Variants in HADH observed in about 807,000 individuals in gnomAD.
HADH encodes hydroxyacyl-coenzyme A dehydrogenase, mitochondrial.
In HADH, 24 loss-of-function variants were observed where a neutral mutation model predicts 32.2. The observed-to-expected ratio is 0.75, with a 90% CI of 0.54 to 1.05. The LOEUF (loss-of-function observed/expected upper bound fraction) is 1.05. Ranked by LOEUF, HADH falls within the 50% of genes least tolerant of loss-of-function variation. The probability of loss-of-function intolerance (pLI) is 0.00; values close to 1 mark genes in which losing one functional copy is unlikely to be tolerated. For synonymous variants in HADH, 139 were observed against 152.5 expected, an observed-to-expected ratio of 0.91 and a Z score of 0.65; for missense variants, 350 against 397.1, an observed-to-expected ratio of 0.88 and a Z score of 1.01.
chr4:108,017,127 AT>A (rs796824283), intron 3 of HADH, among the ~76,000 whole-genome samples: 35 of 152,314 alleles, frequency 2.3e-4, no homozygotes, highest in African/African-American at 8.2e-4. Context: ...AAGCAGCCGT[AT>A]TGAGAGGTAC....
intron 1 of HADH, among the ~76,000 whole-genome samples, chr4:108,005,859 C>G (rs1399032021): frequency 6.6e-6 from 1 of 152,050 alleles, no homozygotes; most frequent in Non-Finnish European, 1.5e-5. Context: ...CTAGGAGATT[C>G]AAGATTTTCT....
At chr4:108,012,256 T>C (rs1351820860) in intron 2 of HADH, among the ~76,000 whole-genome samples, 2 of 152,062 alleles carry the variant, frequency 1.3e-5, no homozygotes, top group Non-Finnish European at 2.9e-5. Flanking sequence ...TAGATGATGG[T>C]GGAGATAATT....
chr4:108,013,084 T>A (rs1162086464), intron 2 of HADH, among the ~76,000 whole-genome samples: 1 of 152,178 alleles, frequency 6.6e-6, no homozygotes, highest in Non-Finnish European at 1.5e-5. Context: ...AGGCGCCCGC[T>A]ACCACGCCCA....
chr4:107,997,085 ACT>A (rs147123700), intron 1 of HADH, among the ~76,000 whole-genome samples: 3,183 of 152,226 alleles, frequency 0.021, 112 homozygotes, highest in African/African-American at 0.071. Flanking sequence ...CTGATGTATG[ACT>A]TTTTTCCTCT....
chr4:108,014,610 TTC>T, intron 3 of HADH, 22 bp downstream of exon 3: 1 of 1,557,448 alleles, frequency 6.4e-7, no homozygotes, highest in Non-Finnish European at 8.8e-7. Context: ...CTGGACAATC[TTC>T]TTTTTTTTTT....
At chr4:108,012,026 G>A (rs1735513367) in intron 2 of HADH, among the ~76,000 whole-genome samples, 1 of 151,892 alleles carries the variant, frequency 6.6e-6, no homozygotes, top group South Asian at 2.1e-4. Context: ...CGAGTAGCTA[G>A]GACTATAGAT....
chr4:108,034,992 T>G lies in HADH; in HGVS notation c.*635T>G, dbSNP rs1449935107. On this transcript the variant is annotated 3_prime_UTR_variant, in exon 8 of 8. Transcript: ENST00000309522. ...GGTCATTCAGTTCCACAGATCTGAA[T>G]GATTACTGTCTGTCTGTGTCTTTTT... 1 of 157,216 alleles carries G rather than the reference T, an allele frequency of 6.4e-6. No homozygotes were observed. The highest frequency in any genetic ancestry group is 2.4e-5 in the African/African-American group (1 of 41,492). The allele number at this position is 157,216 out of a possible 1,614,324, so 9.7% of individuals were successfully genotyped here. A position where few individuals can be genotyped will look rare whatever the true frequency, so the allele number is the denominator to read the frequency against.
chr4:107,995,828 G>C (rs1032820991), intron 1 of HADH, among the ~76,000 whole-genome samples: 2 of 152,082 alleles, frequency 1.3e-5, no homozygotes, highest in Non-Finnish European at 2.9e-5. Context: ...TCCATGGCAG[G>C]GGATCCTCTG....
At chr4:108,004,985 A>C in intron 1 of HADH, 2 of 1,147,270 alleles carry the variant, frequency 1.7e-6, no homozygotes, top group Non-Finnish European at 2.5e-6. Context: ...ACGAAGTGAT[A>C]ATACTGTATT....
At position 108,034,657 on chromosome 4, in the gene HADH, T is replaced by C; in HGVS notation, c.*300T>C. 1.1e-5 allele frequency: 4 copies of C among 369,562 alleles called. No homozygotes were observed. Among genetic ancestry groups the C allele is most frequent in the South Asian group, 8.5e-5 (4 of 47,222 alleles). 22.9% of individuals were successfully genotyped at this position (369,562 alleles called of 1,614,324 possible). ...TGAACCTTGTCATTTTTGTGAAGAA[T>C]TGCCTAGATTCCTTCTCTCATCAAC... On this transcript the variant is annotated 3_prime_UTR_variant, in exon 8 of 8. Coordinates refer to ENST00000309522, the MANE Select transcript of HADH (RefSeq NM_005327.7).
At chr4:107,997,861 C>T (rs1035056536) in intron 1 of HADH, among the ~76,000 whole-genome samples, 2 of 152,148 alleles carry the variant, frequency 1.3e-5, no homozygotes, top group African/African-American at 4.8e-5. Flanking sequence ...GTTCATTTCT[C>T]CACTGCCTTC....
At chr4:108,017,076 T>C (rs952531990) in intron 3 of HADH, among the ~76,000 whole-genome samples, 7 of 152,212 alleles carry the variant, frequency 4.6e-5, no homozygotes, top group African/African-American at 1.7e-4. Context: ...TTTGTTTTTG[T>C]TTTAGATCAC....
In HADH at chr4:108,007,579, G is replaced by A. The variant is rs544243568; in HGVS notation, c.133-2180G>A. Among the ~76,000 whole-genome samples, 193 of 152,292 alleles carry A rather than the reference G, an allele frequency of 1.3e-3. 1 individual carries two copies. The highest frequency in any genetic ancestry group is 4.4e-3 in the African/African-American group (181 of 41,558). On this transcript the variant is annotated intron_variant, in intron 1 of 7. Coordinates refer to ENST00000309522, the MANE Select transcript of HADH (RefSeq NM_005327.7). Reference sequence around the variant, plus strand: ...ATGCTTAAGAGTACCATAGCCTGTCGAACCAGTCTGGGGATAAAAGTTGTG... The same window carrying A: ...ATGCTTAAGAGTACCATAGCCTGTCAAACCAGTCTGGGGATAAAAGTTGTG...
At chr4:108,019,882 T>C (rs146295174) in intron 4 of HADH, among the ~76,000 whole-genome samples, 16 of 152,296 alleles carry the variant, frequency 1.1e-4, no homozygotes, top group Middle Eastern at 3.4e-3. Context: ...GCTGTTAACT[T>C]TGTGGAATGT....
chr4:108,003,618 G>T (rs1286528233), intron 1 of HADH, among the ~76,000 whole-genome samples: 2 of 152,046 alleles, frequency 1.3e-5, no homozygotes, highest in South Asian at 4.1e-4. Context: ...TATGGAGCAG[G>T]ATCCCAGCCC....
intron 1 of HADH, among the ~76,000 whole-genome samples, chr4:108,003,664 C>A (rs1735192650): frequency 6.6e-6 from 1 of 152,044 alleles, no homozygotes; most frequent in Non-Finnish European, 1.5e-5. Flanking sequence ...GAAGGGAAAA[C>A]TTGAAAATGA....
intron 1 of HADH, among the ~76,000 whole-genome samples, chr4:107,996,014 G>A (rs928663560): frequency 6.6e-6 from 1 of 152,154 alleles, no homozygotes; most frequent in Admixed American, 6.5e-5. Flanking sequence ...TTTTTCCAGA[G>A]AGCTTGCCCC....
At chr4:108,020,763 C>T (rs927773331) in intron 4 of HADH, among the ~76,000 whole-genome samples, 16 of 152,096 alleles carry the variant, frequency 1.1e-4, no homozygotes, top group African/African-American at 2.4e-4. Flanking sequence ...GTGTGGGGGA[C>T]GCTGATGCTG....
At chr4:108,001,174 A>G (rs1168620930) in intron 1 of HADH, among the ~76,000 whole-genome samples, 3 of 152,208 alleles carry the variant, frequency 2.0e-5, no homozygotes, top group African/African-American at 7.2e-5. Flanking sequence ...AATGGTTGGG[A>G]TTAAGGAAAA....
Sources: gnomAD v4.1 joint callset for allele counts (sites outside exome capture counted in the v4.1 genomes callset) on GRCh38, gnomAD v4.1.1 for gene constraint, MANE v1.5 for transcripts, NCBI Gene and HGNC (gene_info 2026-07-23, HGNC 2026-07-21) for gene names.